The following ACKR2 variants were observed in gnomAD, a reference collection of about 807,000 sequenced individuals.
ACKR2 encodes the protein C-C chemokine receptor D6.
For missense variants in ACKR2, 457 were observed against 477.3 expected (o/e 0.96, Z 0.40); for synonymous variants, 207 against 192.2 (o/e 1.08, Z -0.64).
intron 2 of ACKR2, among the ~76,000 whole-genome samples, chr3:42,828,457 G>C (rs1267835990): frequency 6.6e-6 from 1 of 152,142 alleles, no homozygotes; most frequent in Non-Finnish European, 1.5e-5. Flanking sequence ...CAGATCAAGT[G>C]ACTGTGAGAA....
intron 2 of ACKR2, chr3:42,850,987 G>C (rs1289113743): frequency 6.6e-6 from 1 of 152,502 alleles, no homozygotes; most frequent in Admixed American, 6.6e-5. Flanking sequence ...GGGCAGAATG[G>C]GACTGAGATC....
chr3:42,866,154 T>C lies in ACKR2; in HGVS notation c.*497T>C, dbSNP rs2088433724. 1 of 150,308 alleles carries C rather than the reference T, an allele frequency of 6.7e-6. No individual in the cohort carries two copies. The highest frequency in any genetic ancestry group is 6.8e-5 in the Admixed American group (1 of 14,702). 9.3% of individuals were successfully genotyped at this position (150,308 alleles called of 1,614,324 possible). A position where few individuals can be genotyped will look rare whatever the true frequency, so the allele number is the denominator to read the frequency against. ...ACCATGCCTGGCTAATTTTTGTATTTTTTTTCTTTCTTTCTTTCTTTTCTT... is the reference window on the plus strand; with the variant it reads ...ACCATGCCTGGCTAATTTTTGTATTCTTTTTCTTTCTTTCTTTCTTTTCTT... On this transcript the variant is annotated 3_prime_UTR_variant, in exon 3 of 3. Coordinates refer to ENST00000422265, the MANE Select transcript of ACKR2 (RefSeq NM_001296.5).
At chr3:42,864,367 G>A in intron 2 of ACKR2, 99 bp from the exon 3 acceptor site, 4 of 1,080,542 alleles carry the variant, frequency 3.7e-6, no homozygotes, top group Non-Finnish European at 5.2e-6. Flanking sequence ...AGGTACTGAT[G>A]TAGATTTGAA....
chr3:42,865,618 C>T lies in ACKR2; in HGVS notation c.1116C>T (p.Asn372=). The T allele has an allele frequency of 6.2e-7, 1 of 1,613,634 alleles. No individual in the cohort carries two copies. Among genetic ancestry groups the T allele is most frequent in the Non-Finnish European group, 8.5e-7 (1 of 1,179,766 alleles). ...MNDLGERQSE[N]YPNKEDVGNK... is the part of the protein sequence containing the mutation. ...ACCTTGGAGAGAGGCAGTCTGAGAA[C>T]TACCCTAACAAGGAGGATGTGGGGA... The change falls in exon 3 of 3, where the codon AAC becomes AAT. Residue 372 remains asparagine (N), a synonymous_variant. Transcript: ENST00000422265.
intron 2 of ACKR2, chr3:42,835,306 G>C (rs1575381638): frequency 1.3e-5 from 2 of 151,950 alleles, no homozygotes; most frequent in East Asian, 1.9e-4. Context: ...GAGCTTATTT[G>C]CTGTGTGGTG....
At chr3:42,832,624 C>T (rs923629979) in intron 2 of ACKR2, among the ~76,000 whole-genome samples, 1 of 152,176 alleles carries the variant, frequency 6.6e-6, no homozygotes, top group African/African-American at 2.4e-5. Flanking sequence ...ATACGGAACG[C>T]ACAGCAATGA....
chr3:42,835,011 G>T (rs116548927), intron 2 of ACKR2, among the ~76,000 whole-genome samples: 1 of 151,970 alleles, frequency 6.6e-6, no homozygotes, highest in Non-Finnish European at 1.5e-5. Context: ...TCAGCTTCCC[G>T]AGTAGCTGGA....
chr3:42,864,581 T>C lies in ACKR2; in HGVS notation c.79T>C (p.Tyr27His). 1 of 1,614,210 alleles carries C rather than the reference T, an allele frequency of 6.2e-7. No individual in the cohort carries two copies. Among genetic ancestry groups the C allele is most frequent in the South Asian group, 1.1e-5 (1 of 91,078 alleles). ...GAATAGCAGCTTCTATTACTATGAC[T>C]ACCTGGATGAAGTGGCCTTCATGCT... ...SENSSFYYYD[Y>H]LDEVAFMLCR... Residue 27 changes from tyrosine (Y) to histidine (H), a missense_variant, in exon 3 of 3, where the codon TAC becomes CAC. Transcript: ENST00000422265.
chr3:42,841,395 A>C (rs773496955), intron 2 of ACKR2: 22 of 152,326 alleles, frequency 1.4e-4, no homozygotes, highest in Middle Eastern at 3.4e-3. Flanking sequence ...GGTTAGTGAA[A>C]ATAAGGATGT....
At chr3:42,855,810 A>G (rs2125621789) in intron 2 of ACKR2, among the ~76,000 whole-genome samples, 1 of 152,270 alleles carries the variant, frequency 6.6e-6, no homozygotes, top group East Asian at 1.9e-4. Flanking sequence ...CCATGTAGAG[A>G]GAGAACAAAG....
chr3:42,828,092 A>ATATTTTTTTTTTTTTTTT (rs1193533555), intron 2 of ACKR2, among the ~76,000 whole-genome samples: 1 of 121,902 alleles, frequency 8.2e-6, no homozygotes, highest in Non-Finnish European at 1.7e-5. Context: ...ATATATATAT[A>ATATTTTTTTTTTTTTTTT]TTTTTTTTTT....
intron 1 of ACKR2, among the ~76,000 whole-genome samples, chr3:42,815,021 A>G (rs557294383): frequency 6.6e-6 from 1 of 152,304 alleles, no homozygotes; most frequent in South Asian, 2.1e-4. Context: ...AAAGGCAAAC[A>G]TTTGTGACTA....
At chr3:42,860,164 CA>C (rs565028940) in intron 2 of ACKR2, among the ~76,000 whole-genome samples, 5 of 8,054 alleles carry the variant, frequency 6.2e-4, no homozygotes, top group Admixed American at 5.8e-3. Flanking sequence ...AAATGGAAAG[CA>C]AAAAAAAAAA....
intron 2 of ACKR2, among the ~76,000 whole-genome samples, chr3:42,826,563 C>CT (rs918805020): frequency 4.6e-5 from 7 of 151,252 alleles, no homozygotes; most frequent in South Asian, 2.1e-4. Context: ...TTCTTATAAT[C>CT]TTTTTTTCTA....
intron 2 of ACKR2, among the ~76,000 whole-genome samples, chr3:42,837,766 A>G (rs1439822834): frequency 1.3e-5 from 2 of 152,176 alleles, no homozygotes; most frequent in East Asian, 3.8e-4. Context: ...TTGACATCTA[A>G]AATTAACTGT....
At chr3:42,851,234 C>T (rs770310161) in intron 2 of ACKR2, 1 of 341,366 alleles carries the variant, frequency 2.9e-6, no homozygotes, top group Non-Finnish European at 4.1e-6. Flanking sequence ...AGAGAAATAG[C>T]TCATGGCTAT....
chr3:42,834,618 G>A (rs924953171), intron 2 of ACKR2: 5 of 151,582 alleles, frequency 3.3e-5, no homozygotes, highest in Admixed American at 1.3e-4. Flanking sequence ...TCACTCTGTC[G>A]CCAGGCTGCA....
chr3:42,843,609 C>G (rs1701062880), intron 2 of ACKR2, among the ~76,000 whole-genome samples: 1 of 152,182 alleles, frequency 6.6e-6, no homozygotes, highest in Non-Finnish European at 1.5e-5. Flanking sequence ...AGGGTGGTCT[C>G]CATACTCTGT....
chr3:42,815,731 A>C (rs990173606), intron 1 of ACKR2, among the ~76,000 whole-genome samples: 11 of 152,236 alleles, frequency 7.2e-5, no homozygotes, highest in Non-Finnish European at 1.5e-4. Context: ...AGCTGGCATC[A>C]TATCCGACCA....
Sources: allele counts gnomAD v4.1 joint callset (sites outside exome capture counted in the v4.1 genomes callset), GRCh38; gene constraint gnomAD v4.1.1; transcripts MANE v1.5; gene names NCBI Gene and HGNC (gene_info 2026-07-23, HGNC 2026-07-21).